MKRN1: variants seen among roughly 807,000 people sequenced by gnomAD.
The protein encoded by MKRN1 is E3 ubiquitin-protein ligase makorin-1.
MKRN1 carries 9 observed loss-of-function variants against 55.5 expected under a neutral mutation model. That is an observed-to-expected ratio of 0.16 (90% CI 0.10 to 0.28). The LOEUF (loss-of-function observed/expected upper bound fraction) is 0.28, where lower values mean the gene tolerates loss of function less well. MKRN1 is among the 10% of genes least tolerant of loss of function. MKRN1 has a pLI of 1.00. For missense variants in MKRN1, 488 were observed against 626.7 expected (o/e 0.78, Z 2.36); for synonymous variants, 253 against 235.9 (o/e 1.07, Z -0.66).
At chr7:140,467,708 TAC>T (rs1794812630) in intron 2 of MKRN1, among the ~76,000 whole-genome samples, 1 of 151,980 alleles carries the variant, frequency 6.6e-6, no homozygotes, top group African/African-American at 2.4e-5. Flanking sequence ...AGATGGTTAA[TAC>T]ACAGAGCCCA....
chr7:140,455,730 T>A, intron 6 of MKRN1, 60 bp downstream of exon 6: 1 of 1,382,118 alleles, frequency 7.2e-7, no homozygotes, highest in South Asian at 1.2e-5. Flanking sequence ...ACCATTCTTT[T>A]CAAAGTGAAC....
At chr7:140,456,484 A>G in intron 5 of MKRN1, 168 bp downstream of exon 5, 1 of 1,436,560 alleles carries the variant, frequency 7.0e-7, no homozygotes, top group Admixed American at 2.8e-5. Context: ...TAGACCAACT[A>G]ACCTAGAAGC....
chr7:140,474,400 G>T, intron 1 of MKRN1: 1 of 344,630 alleles, frequency 2.9e-6, no homozygotes, highest in Admixed American at 3.4e-5. Flanking sequence ...CAGCTACTTG[G>T]GAGGCTGAGG....
At position 140,460,018 on chromosome 7, in the gene MKRN1, G is replaced by C. The variant is rs1794573407; in HGVS notation, c.315-82C>G. 23 of 1,205,464 alleles carry C rather than the reference G, an allele frequency of 1.9e-5. No individual in the cohort carries two copies. In the South Asian group the frequency reaches 3.0e-4, roughly 16 times the overall value. 74.7% of individuals were successfully genotyped at this position (1,205,464 alleles called of 1,614,324 possible). On this transcript the variant is annotated intron_variant, in intron 2 of 7. Transcript: ENST00000255977. ...TCCCAACAGTTTGGGAAGCTGAGGT[G>C]GGTGGATCACCAGAGAGGTTGGGAG...
intron 1 of MKRN1, chr7:140,473,333 C>T (rs1794991769): frequency 2.4e-6 from 1 of 421,934 alleles, no homozygotes; most frequent in Non-Finnish European, 4.6e-6. Flanking sequence ...CCATGAGACA[C>T]TGTGCAGTAA....
At chr7:140,461,812 C>T (rs1794628684) in intron 2 of MKRN1, among the ~76,000 whole-genome samples, 3 of 150,916 alleles carry the variant, frequency 2.0e-5, no homozygotes, top group Admixed American at 1.3e-4. Flanking sequence ...GGAGAAACCC[C>T]GTCTCTACTA....
At chr7:140,469,209 C>T (rs990723626) in intron 2 of MKRN1, among the ~76,000 whole-genome samples, 2 of 151,830 alleles carry the variant, frequency 1.3e-5, no homozygotes, top group South Asian at 2.1e-4. Context: ...GCCTGTAGTC[C>T]CAGCTACTCA....
At chr7:140,469,792 C>T (rs1338690848) in intron 2 of MKRN1, among the ~76,000 whole-genome samples, 1 of 152,078 alleles carries the variant, frequency 6.6e-6, no homozygotes, top group Non-Finnish European at 1.5e-5. Flanking sequence ...GGCGCGGTGG[C>T]TCATGCCTAC....
At chr7:140,473,931 G>A (rs1585495521) in intron 1 of MKRN1, 2 of 149,274 alleles carry the variant, frequency 1.3e-5, no homozygotes, top group South Asian at 2.1e-4. Flanking sequence ...GATGGCGATT[G>A]CACCGAGCCA....
At chr7:140,457,827 G>C (rs1249117353) in intron 4 of MKRN1, among the ~76,000 whole-genome samples, 2 of 152,112 alleles carry the variant, frequency 1.3e-5, no homozygotes, top group Non-Finnish European at 2.9e-5. Context: ...TTCAGAGGTA[G>C]GTTCTACTAC....
intron 2 of MKRN1, among the ~76,000 whole-genome samples, chr7:140,467,508 C>T (rs868065632): frequency 2.7e-4 from 41 of 151,968 alleles, no homozygotes; most frequent in Middle Eastern, 6.8e-3. Flanking sequence ...GAAATCCTGA[C>T]CTCAAGTGAT....
Position 140,456,185 on chromosome 7 carries a change from CTT to C in MKRN1, c.987-287_987-286del. 4 of 1,185,816 alleles carry C rather than the reference CTT, an allele frequency of 3.4e-6. No individual in the cohort carries two copies. The South Asian group carries it at 1.2e-4, about 36-fold the overall frequency. 73.5% of individuals were successfully genotyped at this position (1,185,816 alleles called of 1,614,324 possible). On this transcript the variant is annotated intron_variant, in intron 5 of 7. Coordinates refer to ENST00000255977, the MANE Select transcript of MKRN1 (RefSeq NM_013446.4). ...AAAAGAAGACATTTCACACAGACTC[CTT>C]TTTCTTTCGTTTAAATAAATTTATT...
At position 140,456,594 on chromosome 7, in the gene MKRN1, G is replaced by T. The variant is rs1794472591; in HGVS notation, c.986+58C>A. 8.8e-6 allele frequency: 14 copies of T among 1,590,360 alleles called. No individual in the cohort carries two copies. In the South Asian group the frequency reaches 1.4e-4, roughly 15 times the overall value. On this transcript the variant is annotated intron_variant, in intron 5 of 7. Coordinates refer to ENST00000255977, the MANE Select transcript of MKRN1 (RefSeq NM_013446.4). Reference sequence around the variant, plus strand: ...TCCATCTGGTTGAAAGTTGGCACAAGTTACTAAATTCTTCCCCAAAAGAGA... The same window carrying T: ...TCCATCTGGTTGAAAGTTGGCACAATTTACTAAATTCTTCCCCAAAAGAGA...
chr7:140,474,631 C>T (rs1430678656), intron 1 of MKRN1: 1 of 155,688 alleles, frequency 6.4e-6, no homozygotes, highest in Non-Finnish European at 1.4e-5. Context: ...CTTATTTCCT[C>T]TCACAACCAC....
intron 1 of MKRN1, among the ~76,000 whole-genome samples, chr7:140,473,992 CAAAAAAA>C (rs750043239): frequency 8.5e-4 from 13 of 15,216 alleles, no homozygotes; most frequent in African/African-American, 1.8e-3. Flanking sequence ...AACTCCGTCT[CAAAAAAA>C]AAAAAAAAAG....
At position 140,479,298 on chromosome 7, in the gene MKRN1, G is replaced by C; in HGVS notation, c.47C>G (p.Ala16Gly). The C allele has an allele frequency of 7.3e-7, 1 of 1,374,462 alleles. No individual in the cohort carries two copies. Among genetic ancestry groups the C allele is most frequent in the Non-Finnish European group, 9.4e-7 (1 of 1,061,984 alleles). 85.1% of individuals were successfully genotyped at this position (1,374,462 alleles called of 1,614,324 possible). ...TGCCGCCGTCGCCGCTGCCGCTCCT[G>C]CTCCTGATGTTGTGGCTGTTGTTCC... ...TPGTTATTSGAGAAAATAAAA... is the reference protein window; with the variant it reads ...TPGTTATTSGGGAAAATAAAA... The change falls in exon 1 of 8, where the codon GCA (alanine) becomes GGA (glycine). Residue 16 changes from alanine to glycine, a missense_variant. Around this residue, in one of 2 missense-constraint regions of MKRN1, gnomAD observed 210 missense variants for 220.0 expected, o/e 0.95. Coordinates refer to ENST00000255977, the MANE Select transcript of MKRN1 (RefSeq NM_013446.4).
intron 2 of MKRN1, among the ~76,000 whole-genome samples, chr7:140,468,294 A>G (rs1794827370): frequency 6.6e-6 from 1 of 152,132 alleles, no homozygotes; most frequent in Non-Finnish European, 1.5e-5. Context: ...CAGCTCCCTT[A>G]CAATTAGCCT....
At chr7:140,468,701 CAAAAAAAAAAA>C (rs528725182) in intron 2 of MKRN1, among the ~76,000 whole-genome samples, 2 of 32,126 alleles carry the variant, frequency 6.2e-5, no homozygotes, top group Non-Finnish European at 1.3e-4. Flanking sequence ...CTCTGTCTCA[CAAAAAAAAAAA>C]AAAAAAAAAA....
intron 2 of MKRN1, among the ~76,000 whole-genome samples, chr7:140,467,976 T>C (rs2130317796): frequency 7.9e-6 from 1 of 126,148 alleles, no homozygotes; most frequent in East Asian, 2.3e-4. Context: ...CACTCCAGCC[T>C]GGGCAACAAG....
Sources: allele counts gnomAD v4.1 joint callset (sites outside exome capture counted in the v4.1 genomes callset), GRCh38; gene constraint gnomAD v4.1.1; regional missense constraint gnomAD v4.1.1; transcripts MANE v1.5; gene names NCBI Gene and HGNC (gene_info 2026-07-23, HGNC 2026-07-21).